The following NRG4 variants were observed in gnomAD, a reference collection of about 807,000 sequenced individuals.
NRG4 encodes the protein pro-neuregulin-4, membrane-bound isoform.
NRG4 carries 10 observed loss-of-function variants against 15.0 expected under a neutral mutation model. That is an observed-to-expected ratio of 0.67 (90% CI 0.41 to 1.13). The LOEUF is 1.13. Ranked by LOEUF, NRG4 falls within the 50% of genes most tolerant of loss-of-function variation. NRG4 has a pLI of 0.00. For synonymous variants in NRG4, 41 were observed against 50.1 expected, an observed-to-expected ratio of 0.82 and a Z score of 0.77; for missense variants, 139 against 140.2, an observed-to-expected ratio of 0.99 and a Z score of 0.04.
intron 2 of NRG4, among the ~76,000 whole-genome samples, chr15:76,055,593 T>C (rs1015696546): frequency 1.3e-5 from 2 of 152,216 alleles, no homozygotes; most frequent in Admixed American, 6.5e-5. Context: ...TCCATGTTTG[T>C]TGAAGGACAA....
chr15:75,982,771 T>A (rs1389573867), intron 3 of NRG4, among the ~76,000 whole-genome samples: 1 of 152,164 alleles, frequency 6.6e-6, no homozygotes, highest in Non-Finnish European at 1.5e-5. Context: ...TATGAAGCCA[T>A]GAATGCTGAA....
At chr15:75,998,106 T>C (rs1225942809) in intron 3 of NRG4, among the ~76,000 whole-genome samples, 1 of 152,210 alleles carries the variant, frequency 6.6e-6, no homozygotes, top group Non-Finnish European at 1.5e-5. Flanking sequence ...AAAATTATTA[T>C]AATGATAACA....
intron 3 of NRG4, among the ~76,000 whole-genome samples, chr15:75,962,590 T>G (rs1472298801): frequency 1.3e-5 from 2 of 152,208 alleles, no homozygotes; most frequent in African/African-American, 4.8e-5. Flanking sequence ...ATCTATAGAA[T>G]TTTAAAAATA....
intron 3 of NRG4, among the ~76,000 whole-genome samples, chr15:75,986,506 T>C (rs567861330): frequency 6.6e-6 from 1 of 152,226 alleles, no homozygotes; most frequent in Admixed American, 6.5e-5. Flanking sequence ...TGACATGAAA[T>C]GATCTCCAAA....
intron 3 of NRG4, among the ~76,000 whole-genome samples, chr15:75,987,744 T>A (rs777402245): frequency 1.3e-5 from 2 of 152,202 alleles, no homozygotes; most frequent in Non-Finnish European, 2.9e-5. Context: ...TCCAAACTGA[T>A]TAAGTGCTAT....
chr15:76,040,309 T>C (rs529262680), intron 4 of NRG4, among the ~76,000 whole-genome samples: 2 of 152,246 alleles, frequency 1.3e-5, no homozygotes, highest in East Asian at 1.9e-4. Flanking sequence ...CCTAGAATAG[T>C]ATAATGTATC....
chr15:76,019,540 T>C (rs1383622220), intron 5 of NRG4, among the ~76,000 whole-genome samples: 1 of 152,196 alleles, frequency 6.6e-6, no homozygotes, highest in Non-Finnish European at 1.5e-5. Flanking sequence ...ACCATGGGAA[T>C]AGCATAGTAT....
At chr15:75,996,442 A>G (rs919484220) in intron 3 of NRG4, among the ~76,000 whole-genome samples, 2 of 152,218 alleles carry the variant, frequency 1.3e-5, no homozygotes. Context: ...ACATTATTAA[A>G]CAAATGAGCC....
chr15:75,943,413 G>T lies in NRG4; in HGVS notation c.*225C>A. ...AGTCATGTTGAACCAATGTGACTTC[G>T]AATTATACTGGTATCACCCCCTACT... On this transcript the variant is annotated 3_prime_UTR_variant, in exon 6 of 6. Transcript: ENST00000394907. The T allele has an allele frequency of 2.0e-6, 1 of 493,416 alleles. No homozygotes were observed. The highest frequency in any genetic ancestry group is 3.6e-6 in the Non-Finnish European group (1 of 280,924). The allele number at this position is 493,416 out of a possible 1,614,324, so 30.6% of individuals were successfully genotyped here. A position where few individuals can be genotyped will look rare whatever the true frequency, so the allele number is the denominator to read the frequency against.
At chr15:76,009,808 C>A (rs549358585) in intron 2 of NRG4, among the ~76,000 whole-genome samples, 4 of 151,910 alleles carry the variant, frequency 2.6e-5, no homozygotes, top group Non-Finnish European at 5.9e-5. Context: ...ATGTCAGAAA[C>A]CAAAAATAAA....
At chr15:75,997,407 C>T (rs2034254871) in intron 3 of NRG4, among the ~76,000 whole-genome samples, 1 of 151,720 alleles carries the variant, frequency 6.6e-6, no homozygotes, top group African/African-American at 2.4e-5. Context: ...TGGTTTTTCT[C>T]AAAAATTCAC....
intron 4 of NRG4, among the ~76,000 whole-genome samples, chr15:76,044,840 C>CA (rs35017424): frequency 0.058 from 3,630 of 62,214 alleles, 120 homozygotes; most frequent in African/African-American, 0.086. Flanking sequence ...GACTCTGTCT[C>CA]AAAAAAAAAA....
chr15:76,006,709 T>C (rs1469682132), intron 3 of NRG4, among the ~76,000 whole-genome samples: 3 of 152,232 alleles, frequency 2.0e-5, no homozygotes, highest in Non-Finnish European at 2.9e-5. Flanking sequence ...GAAGAAACTA[T>C]ACACATTTTT....
At chr15:76,045,425 T>C (rs1364359775) in intron 4 of NRG4, among the ~76,000 whole-genome samples, 1 of 150,992 alleles carries the variant, frequency 6.6e-6, no homozygotes, top group Non-Finnish European at 1.5e-5. Flanking sequence ...CACTCTGAGA[T>C]ATACACCCAA....
Position 75,997,181 on chromosome 15 carries a change from C to A in NRG4, c.104+12019G>T, listed in dbSNP as rs916138879. Among the ~76,000 whole-genome samples, 4 of 151,812 alleles carry A rather than the reference C, an allele frequency of 2.6e-5. No homozygotes were observed. The East Asian group carries it at 7.7e-4, about 29-fold the overall frequency. ...CATTTCTGTACAAAATTACAAATAA[C>A]TTTTTACGAGATAATTCATCTAATT... On this transcript the variant is annotated intron_variant, in intron 3 of 5. Transcript: ENST00000394907.
chr15:76,004,775 A>C (rs2034539505), intron 3 of NRG4, among the ~76,000 whole-genome samples: 1 of 152,098 alleles, frequency 6.6e-6, no homozygotes, highest in Admixed American at 6.5e-5. Context: ...TTATCTAATA[A>C]AAGAGATTAG....
downstream of NRG4, chr15:75,938,448 C>T (rs1054986254): frequency 7.9e-5 from 12 of 152,098 alleles, no homozygotes; most frequent in Non-Finnish European, 1.6e-4. Flanking sequence ...ATTAATTGAC[C>T]TTGTCCTAAT....
At chr15:76,018,671 A>T (rs982554539) in intron 5 of NRG4, among the ~76,000 whole-genome samples, 1 of 152,172 alleles carries the variant, frequency 6.6e-6, no homozygotes, top group African/African-American at 2.4e-5. Context: ...GCAGAACAGT[A>T]AAGATTGCTG....
intron 5 of NRG4, among the ~76,000 whole-genome samples, chr15:76,023,384 C>T (rs1025752359): frequency 6.6e-6 from 1 of 152,118 alleles, no homozygotes; most frequent in African/African-American, 2.4e-5. Context: ...GATTTGGAGA[C>T]AGGAGAGACT....
Sources: gnomAD v4.1 joint callset for allele counts (sites outside exome capture counted in the v4.1 genomes callset) on GRCh38, gnomAD v4.1.1 for gene constraint, MANE v1.5 for transcripts, NCBI Gene and HGNC (gene_info 2026-07-23, HGNC 2026-07-21) for gene names.